TMEM260: variants seen among roughly 807,000 people sequenced by gnomAD.
The protein encoded by TMEM260 is transmembrane protein 260, also known as protein O-mannosyl-transferase TMEM260.
TMEM260 carries 82 observed loss-of-function variants against 88.9 expected under a neutral mutation model. The observed-to-expected ratio is 0.92, with a 90% CI of 0.77 to 1.11. The LOEUF (loss-of-function observed/expected upper bound fraction) is 1.11. Among genes scored for constraint, TMEM260 ranks in the 50% least tolerant of loss-of-function variants. TMEM260 has a pLI of 0.00. For synonymous variants in TMEM260, 314 were observed against 309.3 expected (o/e 1.02, Z -0.16); for missense variants, 902 against 853.4 (o/e 1.06, Z -0.71).
At chr14:56,615,603 G>A (rs904100801) in intron 7 of TMEM260, 4 of 179,538 alleles carry the variant, frequency 2.2e-5, no homozygotes, top group South Asian at 1.9e-4. Context: ...ACTGCCAAGA[G>A]AAAAAAGTTC....
chr14:56,617,373 T>C (rs1887655063), intron 9 of TMEM260, 76 bp downstream of exon 9: 2 of 867,948 alleles, frequency 2.3e-6, no homozygotes, highest in Non-Finnish European at 3.6e-6. Flanking sequence ...ATAAATCTTG[T>C]AGAAGGGCAA....
intron 1 of TMEM260, among the ~76,000 whole-genome samples, chr14:56,583,061 A>G (rs1885241940): frequency 6.6e-6 from 1 of 152,214 alleles, no homozygotes; most frequent in Admixed American, 6.5e-5. Context: ...TACATTTTAA[A>G]TGGAGGAGAA....
Position 56,611,741 on chromosome 14 carries a change from A to G in TMEM260, c.817-504A>G, listed in dbSNP as rs149451400. Among the ~76,000 whole-genome samples, 51 of 152,354 alleles carry G rather than the reference A, an allele frequency of 3.3e-4. No individual in the cohort carries two copies. The East Asian group carries it at 9.8e-3, about 29-fold the overall frequency. On this transcript the variant is annotated intron_variant, in intron 6 of 15. Coordinates refer to ENST00000261556, the MANE Select transcript of TMEM260 (RefSeq NM_017799.4). The stretch of plus-strand genomic sequence containing the variant: ...CTGCTCTAAAGATACATACACACGT[A>G]TGTTCATCACAACACTATTCACAAT...
intron 3 of TMEM260, among the ~76,000 whole-genome samples, chr14:56,593,677 C>CTTTTTTTTTTT (rs34268894): frequency 3.1e-5 from 2 of 63,506 alleles, no homozygotes; most frequent in African/African-American, 5.4e-5. Flanking sequence ...AGGTGAGTGT[C>CTTTTTTTTTTT]TTTTTTTTTT....
chr14:56,589,411 AT>A (rs1566528037), intron 3 of TMEM260, among the ~76,000 whole-genome samples: 1 of 152,124 alleles, frequency 6.6e-6, no homozygotes, highest in African/African-American at 2.4e-5. Context: ...TAAAGCTCTT[AT>A]TTTTTATAAT....
At position 56,625,378 on chromosome 14, in the gene TMEM260, G is replaced by A. The variant is rs779570344; in HGVS notation, c.1399-4G>A. 1 of 1,609,756 alleles carries A rather than the reference G, an allele frequency of 6.2e-7. No homozygotes were observed. Among genetic ancestry groups the A allele is most frequent in the South Asian group, 1.1e-5 (1 of 89,204 alleles). ...TCTGACATTATGTGTGACTTTTCTG[G>A]CAGATGATGACTTACGAGTGGTATT... On this transcript the variant is annotated splice_region_variant and splice_polypyrimidine_tract_variant and intron_variant, in intron 11 of 15. Coordinates refer to ENST00000261556, the MANE Select transcript of TMEM260 (RefSeq NM_017799.4).
chr14:56,660,020 C>T, the TMEM260 span, among the ~76,000 whole-genome samples: 1 of 152,042 alleles, frequency 6.6e-6, no homozygotes, highest in Non-Finnish European at 1.5e-5. Context: ...AATGATTTGG[C>T]TGGATGGAAT....
intron 3 of TMEM260, among the ~76,000 whole-genome samples, chr14:56,601,939 A>G (rs985851588): frequency 6.6e-6 from 1 of 152,090 alleles, no homozygotes; most frequent in South Asian, 2.1e-4. Flanking sequence ...AGAATCAGCC[A>G]TTTCTCCAAG....
At chr14:56,580,101 C>G in intron 1 of TMEM260, 27 bp downstream of exon 1, 1 of 1,248,456 alleles carries the variant, frequency 8.0e-7, no homozygotes, top group Non-Finnish European at 1.0e-6. Context: ...GTTGCCCCTT[C>G]TGTCCCTCTC....
intron 3 of TMEM260, among the ~76,000 whole-genome samples, chr14:56,586,268 C>A (rs1338544008): frequency 1.3e-5 from 2 of 152,118 alleles, no homozygotes; most frequent in Admixed American, 1.3e-4. Context: ...CACAGTATTG[C>A]TGACGAGCAG....
At chr14:56,606,047 G>T (rs983126797) in intron 5 of TMEM260, among the ~76,000 whole-genome samples, 1 of 152,150 alleles carries the variant, frequency 6.6e-6, no homozygotes, top group African/African-American at 2.4e-5. Flanking sequence ...CCGAGTCCTT[G>T]CCCTGTGCCA....
intron 11 of TMEM260, 53 bp from the exon 12 acceptor site, chr14:56,625,329 T>A: frequency 6.3e-7 from 1 of 1,580,998 alleles, no homozygotes; most frequent in African/African-American, 1.4e-5. Flanking sequence ...TAAACTTGAT[T>A]CTTTCTAAGA....
intron 3 of TMEM260, among the ~76,000 whole-genome samples, chr14:56,598,854 A>T (rs1335206144): frequency 1.3e-5 from 2 of 152,192 alleles, no homozygotes; most frequent in Non-Finnish European, 2.9e-5. Flanking sequence ...ACTAGTGCAC[A>T]TGTACCAACT....
At chr14:56,603,615 T>G (rs972954569) in intron 3 of TMEM260, among the ~76,000 whole-genome samples, 200 bp from the exon 4 acceptor site, 1 of 152,198 alleles carries the variant, frequency 6.6e-6, no homozygotes, top group Non-Finnish European at 1.5e-5. Context: ...GTTTATTTGT[T>G]CATTAATAGG....
At chr14:56,603,377 A>G (rs985133863) in intron 3 of TMEM260, among the ~76,000 whole-genome samples, 2 of 152,188 alleles carry the variant, frequency 1.3e-5, no homozygotes, top group Non-Finnish European at 1.5e-5. Flanking sequence ...AGGTCCAAAC[A>G]TTCTACCTGA....
chr14:56,645,411 C>A (rs1347693313), intron 15 of TMEM260, among the ~76,000 whole-genome samples: 1 of 151,608 alleles, frequency 6.6e-6, no homozygotes, highest in Non-Finnish European at 1.5e-5. Flanking sequence ...CCAAGCACCA[C>A]ATGTTCTCAC....
downstream of TMEM260, among the ~76,000 whole-genome samples, chr14:56,652,788 A>G (rs1009122715): frequency 2.6e-5 from 4 of 151,950 alleles, no homozygotes; most frequent in Admixed American, 2.0e-4. Flanking sequence ...ATTATAGCAT[A>G]TTCATTCAAT....
At chr14:56,626,810 C>T (rs1349130205) in intron 12 of TMEM260, among the ~76,000 whole-genome samples, 3 of 152,118 alleles carry the variant, frequency 2.0e-5, no homozygotes, top group South Asian at 2.1e-4. Context: ...CTAAACAACA[C>T]GGAAAAGTGT....
chr14:56,653,486 C>T (rs1890242024), downstream of TMEM260, among the ~76,000 whole-genome samples: 1 of 151,950 alleles, frequency 6.6e-6, no homozygotes, highest in Non-Finnish European at 1.5e-5. Context: ...ATAATTCCAG[C>T]CCTTTGAGAG....
Sources: gnomAD v4.1 joint callset for allele counts (sites outside exome capture counted in the v4.1 genomes callset) on GRCh38, gnomAD v4.1.1 for gene constraint, MANE v1.5 for transcripts, NCBI Gene and HGNC (gene_info 2026-07-23, HGNC 2026-07-21) for gene names.